Variants in NOP58 observed in about 807,000 individuals in gnomAD.
The protein encoded by NOP58 is nucleolar protein 58.
In NOP58, 44 loss-of-function variants were observed where a neutral mutation model predicts 71.2. The observed-to-expected ratio is 0.62, with a 90% CI of 0.49 to 0.79. The LOEUF is 0.79. NOP58 is among the 30% of genes least tolerant of loss of function. The pLI is 0.00. For synonymous variants in NOP58, 228 were observed against 200.3 expected (o/e 1.14, Z -1.17); for missense variants, 538 against 620.2 (o/e 0.87, Z 1.41).
Position 202,295,654 on chromosome 2 carries a change from G to C in NOP58, c.908-20G>C. Reference sequence around the variant, plus strand: ...TCATATATTTGGAGGTGCATTCTTTGTAACTTTTTTCTTTTGTAGGTTCTC... The same window carrying C: ...TCATATATTTGGAGGTGCATTCTTTCTAACTTTTTTCTTTTGTAGGTTCTC... On this transcript the variant is annotated intron_variant, in intron 9 of 14. Coordinates refer to ENST00000264279, the MANE Select transcript of NOP58 (RefSeq NM_015934.5). 6.5e-7 allele frequency: 1 copy of C among 1,542,150 alleles called. No homozygotes were observed. The highest frequency in any genetic ancestry group is 1.4e-5 in the African/African-American group (1 of 72,336).
In NOP58 at chr2:202,290,300, T is replaced by C. The variant is rs772662293; in HGVS notation, c.500-23T>C. On this transcript the variant is annotated intron_variant, in intron 6 of 14. Transcript: ENST00000264279. ...ACAATAAATCCCTTTAAGTTTTGTT[T>C]GTTTGTTTTTAATCTACTACAGCCT... is the stretch of plus-strand genomic sequence containing the variant. 4.5e-6 allele frequency: 7 copies of C among 1,566,010 alleles called. No homozygotes were observed. In the South Asian group the frequency reaches 8.2e-5, roughly 18 times the overall value.
At chr2:202,280,377 G>C (rs1048543557) in intron 3 of NOP58, among the ~76,000 whole-genome samples, 1 of 151,922 alleles carries the variant, frequency 6.6e-6, no homozygotes, top group Non-Finnish European at 1.5e-5. Flanking sequence ...AGGCTGGAGT[G>C]CAGTGGCATG....
In NOP58 at chr2:202,265,928, G is replaced by C. The variant is rs751296013; in HGVS notation, c.-14G>C. On this transcript the variant is annotated 5_prime_UTR_variant, in exon 1 of 15. Transcript: ENST00000264279. ...CTTCTGGCAGGCCGTGCGGCGCCCTGACCCGGCCTCACCATGTTGGTGCTG... is the reference window on the plus strand; with the variant it reads ...CTTCTGGCAGGCCGTGCGGCGCCCTCACCCGGCCTCACCATGTTGGTGCTG... 1 of 1,614,036 alleles carries C rather than the reference G, an allele frequency of 6.2e-7. No homozygotes were observed. Among genetic ancestry groups the C allele is most frequent in the Middle Eastern group, 1.6e-4 (1 of 6,084 alleles).
At chr2:202,284,989 T>C (rs1688765475) in intron 5 of NOP58, among the ~76,000 whole-genome samples, 1 of 152,150 alleles carries the variant, frequency 6.6e-6, no homozygotes, top group Admixed American at 6.6e-5. Context: ...GAGACTAGCC[T>C]GAGCAACATA....
chr2:202,282,038 G>A (rs959501992), intron 3 of NOP58, among the ~76,000 whole-genome samples: 4 of 152,290 alleles, frequency 2.6e-5, no homozygotes, highest in African/African-American at 9.6e-5. Flanking sequence ...AAGTGAGTCT[G>A]TTTTGTCTTC....
chr2:202,300,421 G>A (rs1689071923), intron 13 of NOP58, 54 bp downstream of exon 13: 2 of 1,444,224 alleles, frequency 1.4e-6, no homozygotes, highest in East Asian at 4.8e-5. Context: ...TTAGAACTGT[G>A]GATTTTGTGA....
intron 10 of NOP58, 71 bp downstream of exon 10, chr2:202,295,908 C>T: frequency 8.5e-7 from 1 of 1,177,974 alleles, no homozygotes; most frequent in Non-Finnish European, 1.2e-6. Flanking sequence ...TTTTCTTCTA[C>T]TCTGTAGTAC....
intron 13 of NOP58, among the ~76,000 whole-genome samples, chr2:202,301,640 T>C (rs1236978340): frequency 1.3e-5 from 2 of 152,170 alleles, no homozygotes; most frequent in African/African-American, 4.8e-5. Context: ...TAAATCTAAA[T>C]TTGTTCCAGC....
intron 10 of NOP58, among the ~76,000 whole-genome samples, chr2:202,296,381 T>G (rs1688993657): frequency 6.6e-6 from 1 of 152,106 alleles, no homozygotes; most frequent in African/African-American, 2.4e-5. Context: ...TTTTTGTATT[T>G]TAAGTAAAGA....
rs752472063 is a variant in NOP58, at chr2:202,303,063, T to C, written c.1539+6T>C. ...GTACCAGCACAGCAATTGCTGTATG[T>C]TTGTTTTTAATTATCGGTTTTCACT... is the stretch of plus-strand genomic sequence containing the variant. On this transcript the variant is annotated splice_donor_region_variant and intron_variant, in intron 14 of 14. Coordinates refer to ENST00000264279, the MANE Select transcript of NOP58 (RefSeq NM_015934.5). The C allele has an allele frequency of 7.5e-6, 12 of 1,606,466 alleles. No individual in the cohort carries two copies. The South Asian group carries it at 1.3e-4, about 18-fold the overall frequency.
At chr2:202,295,355 T>G (rs1688972751) in intron 9 of NOP58, among the ~76,000 whole-genome samples, 1 of 152,232 alleles carries the variant, frequency 6.6e-6, no homozygotes, top group Admixed American at 6.5e-5. Context: ...TGTTCGTGTG[T>G]GTGACATTTA....
Position 202,300,259 on chromosome 2 carries a change from G to A in NOP58, c.1294G>A (p.Gly432Ser). The A allele has an allele frequency of 1.3e-6, 2 of 1,594,466 alleles. No homozygotes were observed. The highest frequency in any genetic ancestry group is 1.7e-6 in the Non-Finnish European group (2 of 1,175,684). Reference protein sequence around the residue: ...KSEVKTYDPSGDSTLPTCSKK... With the variant: ...KSEVKTYDPSSDSTLPTCSKK... ...TGAAGTGAAGACTTACGATCCTTCT[G>A]GTGACTCCACACTTCCAACCTGTTC... Residue 432 changes from glycine (G) to serine (S), a missense_variant, in exon 13 of 15, where the codon GGT becomes AGT. Physicochemically the swap from Gly to Ser is moderately conservative, Grantham distance 56. Coordinates refer to ENST00000264279, the MANE Select transcript of NOP58 (RefSeq NM_015934.5).
intron 2 of NOP58, among the ~76,000 whole-genome samples, chr2:202,276,860 C>T (rs573874879): frequency 7.3e-5 from 11 of 151,150 alleles, no homozygotes; most frequent in Non-Finnish European, 1.5e-4. Flanking sequence ...TAAAGGGGGC[C>T]GGGCACGGTG....
At chr2:202,303,149 T>TA (rs1371114841) in intron 14 of NOP58, 92 bp downstream of exon 14, 1 of 1,457,332 alleles carries the variant, frequency 6.9e-7, no homozygotes, top group Non-Finnish European at 9.3e-7. Flanking sequence ...GCAGGCATTT[T>TA]AAAAAATGGT....
chr2:202,296,186 T>A (rs1010297654), intron 10 of NOP58, among the ~76,000 whole-genome samples: 1 of 152,048 alleles, frequency 6.6e-6, no homozygotes, highest in South Asian at 2.1e-4. Flanking sequence ...TAAAACACTT[T>A]GAGAGAAGTC....
chr2:202,271,673 T>C (rs1369309269), intron 1 of NOP58, among the ~76,000 whole-genome samples: 1 of 152,148 alleles, frequency 6.6e-6, no homozygotes, highest in Non-Finnish European at 1.5e-5. Context: ...TCAGGCGCCA[T>C]GGTTCCTTCC....
At chr2:202,292,284 G>A (rs910077460) in intron 8 of NOP58, among the ~76,000 whole-genome samples, 2 of 151,834 alleles carry the variant, frequency 1.3e-5, no homozygotes, top group Non-Finnish European at 2.9e-5. Flanking sequence ...GAGTCACTGT[G>A]CCTGGGCTGC....
intron 4 of NOP58, among the ~76,000 whole-genome samples, chr2:202,282,820 T>C (rs970596709): frequency 6.6e-6 from 1 of 152,218 alleles, no homozygotes; most frequent in African/African-American, 2.4e-5. Flanking sequence ...GAAATATATT[T>C]ATTAGAAAAC....
chr2:202,288,945 C>A (rs1363453196), intron 6 of NOP58, among the ~76,000 whole-genome samples: 1 of 151,994 alleles, frequency 6.6e-6, no homozygotes, highest in Non-Finnish European at 1.5e-5. Flanking sequence ...ATGGCGAAAC[C>A]CTGTCTTTAC....
Sources: gnomAD v4.1 joint callset for allele counts (sites outside exome capture counted in the v4.1 genomes callset) on GRCh38, gnomAD v4.1.1 for gene constraint, MANE v1.5 for transcripts, NCBI Gene and HGNC (gene_info 2026-07-23, HGNC 2026-07-21) for gene names.